Variants in DOHH observed in about 807,000 individuals in gnomAD.
DOHH encodes HEAT-like (PBS lyase) repeat containing 1.
A neutral mutation model predicts 19.9 loss-of-function variants in DOHH; 16 were observed. That is an observed-to-expected ratio of 0.80 (90% CI 0.54 to 1.22). DOHH has a LOEUF of 1.22. Among genes scored for constraint, DOHH ranks in the 50% most tolerant of loss-of-function variants. The pLI is 0.00. For synonymous variants in DOHH, 233 were observed against 217.0 expected (o/e 1.07, Z -0.65); for missense variants, 460 against 460.6 (o/e 1.00, Z 0.01).
chr19:3,495,834 G>T (rs561193376), intron 2 of DOHH, among the ~76,000 whole-genome samples: 4 of 151,590 alleles, frequency 2.6e-5, no homozygotes. Context: ...ACTTGAACCC[G>T]GGAGGCAGAG....
intron 1 of DOHH, among the ~76,000 whole-genome samples, 183 bp downstream of exon 1, chr19:3,500,378 G>A (rs2082941247): frequency 6.6e-6 from 1 of 152,200 alleles, no homozygotes; most frequent in Non-Finnish European, 1.5e-5. Flanking sequence ...AGGACGTGAG[G>A]TGGGCACTCT....
At position 3,491,519 on chromosome 19, in the gene DOHH, C is replaced by T. The variant is rs1489056567; in HGVS notation, c.882G>A (p.Leu294=). The T allele has an allele frequency of 1.3e-6, 2 of 1,535,204 alleles. No homozygotes were observed. The highest frequency in any genetic ancestry group is 1.7e-6 in the Non-Finnish European group (2 of 1,146,544). The change falls in exon 5 of 5, where the codon CTG becomes CTA. Residue 294 remains leucine, a synonymous_variant. Transcript: ENST00000427575. The surrounding 1 kb of genome is among the most constrained non-coding windows in gnomAD (Gnocchi z 5.6). The part of the protein sequence containing the change: ...TGRAFQYADG[L]EQLRGAPS ...AGGAGGGGGCCCCGCGCAGCTGCTC[C>T]AGGCCGTCCGCGTACTGGAAGGCCC...
chr19:3,495,965 G>A (rs886731092), intron 2 of DOHH, among the ~76,000 whole-genome samples: 7 of 152,160 alleles, frequency 4.6e-5, no homozygotes, highest in African/African-American at 1.7e-4. Context: ...ACTTCCTGAT[G>A]GGTGGAATTT....
In DOHH at chr19:3,491,604, T is replaced by C; in HGVS notation, c.797A>G (p.Glu266Gly). The change falls in exon 5 of 5, where the codon GAG (glutamate) becomes GGG (glycine). Residue 266 changes from glutamate to glycine, a missense_variant. Coordinates refer to ENST00000427575, the MANE Select transcript of DOHH (RefSeq NM_001145165.2). The surrounding 1 kb of genome is among the most constrained non-coding windows in gnomAD (Gnocchi z 5.6). ...CTCGCAGCTCTCACGCACCACGCGC[T>C]CTGGGTCGTCCGCGTGAGCCTGCAG... ...AALQAHADDP[E>G]RVVRESCEVA... The C allele has an allele frequency of 6.5e-7, 1 of 1,535,874 alleles. No individual in the cohort carries two copies. Among genetic ancestry groups the C allele is most frequent in the African/African-American group, 1.4e-5 (1 of 73,086 alleles).
chr19:3,496,886 C>T lies in DOHH; in HGVS notation c.-72G>A, dbSNP rs1488159288. 4 of 1,393,502 alleles carry T rather than the reference C, an allele frequency of 2.9e-6. No individual in the cohort carries two copies. The highest frequency in any genetic ancestry group is 1.8e-5 in the South Asian group (1 of 57,094). The allele number at this position is 1,393,502 out of a possible 1,614,324, so 86.3% of individuals were successfully genotyped here. ...ACCTGGGGACGCGGGGATGTAAGAACCTGTGGCAGAAAAATGAGAGCCCAG... is the reference window on the plus strand; with the variant it reads ...ACCTGGGGACGCGGGGATGTAAGAATCTGTGGCAGAAAAATGAGAGCCCAG... On this transcript the variant is annotated splice_region_variant and 5_prime_UTR_variant, in exon 2 of 5. Coordinates refer to ENST00000427575, the MANE Select transcript of DOHH (RefSeq NM_001145165.2). The surrounding 1 kb of genome is among the most constrained non-coding windows in gnomAD (Gnocchi z 4.8).
rs2082867233 is a variant in DOHH at position 3,491,262 on chromosome 19, T to C, written c.*230A>G. Reference sequence around the variant, plus strand: ...AGAGTCCCACCCCAAGCCTGGAAACTTCCACGCTACAGCCCTGCGCCAGGC... The same window carrying C: ...AGAGTCCCACCCCAAGCCTGGAAACCTCCACGCTACAGCCCTGCGCCAGGC... On this transcript the variant is annotated 3_prime_UTR_variant, in exon 5 of 5. Transcript: ENST00000427575. This position sits in a 1 kb window ranked among gnomAD's most constrained non-coding sequence, Gnocchi z 5.6. 3.5e-6 allele frequency: 2 copies of C among 574,118 alleles called. No individual in the cohort carries two copies. The highest frequency in any genetic ancestry group is 6.0e-6 in the Non-Finnish European group (2 of 330,926). The allele number at this position is 574,118 out of a possible 1,614,324, so 35.6% of individuals were successfully genotyped here. A position where few individuals can be genotyped will look rare whatever the true frequency, so the allele number is the denominator to read the frequency against.
chr19:3,497,760 G>A (rs1359153581), intron 1 of DOHH, among the ~76,000 whole-genome samples: 1 of 152,042 alleles, frequency 6.6e-6, no homozygotes, highest in African/African-American at 2.4e-5. Flanking sequence ...TAGTGGCTGT[G>A]TCTACAGGCA....
chr19:3,495,419 C>G (rs59800597), intron 2 of DOHH, among the ~76,000 whole-genome samples: 12,288 of 152,210 alleles, frequency 0.081, 1,731 homozygotes, highest in African/African-American at 0.28. Context: ...TGGGACCACA[C>G]GCGTGAGCCA....
At chr19:3,493,168 C>CG (rs58057836) in intron 3 of DOHH, among the ~76,000 whole-genome samples, 50,312 of 152,178 alleles carry the variant, frequency 0.33, 8,963 homozygotes, top group East Asian at 0.6. Context: ...AAAGGAATGA[C>CG]GGGCCGGCCG....
intron 1 of DOHH, among the ~76,000 whole-genome samples, chr19:3,499,967 C>T (rs1021855466): frequency 1.3e-5 from 2 of 152,182 alleles, no homozygotes; most frequent in African/African-American, 4.8e-5. Flanking sequence ...TGGGACTGTG[C>T]TTGGGAACTT....
chr19:3,495,302 G>T (rs2082900288), intron 2 of DOHH, among the ~76,000 whole-genome samples: 1 of 152,030 alleles, frequency 6.6e-6, no homozygotes, highest in African/African-American at 2.4e-5. Context: ...TTTGAGACAG[G>T]GTCTCACTCT....
In DOHH at chr19:3,494,064, C is replaced by G; in HGVS notation, c.315G>C (p.Glu105Asp). The change falls in exon 3 of 5, where the codon GAG becomes GAC. Residue 105 changes from glutamate (E) to aspartate (D), a missense_variant. Coordinates refer to ENST00000427575, the MANE Select transcript of DOHH (RefSeq NM_001145165.2). ...LGAIGDPEVL[E>D]ILKQYSSDPV... ...GGTCCGAGGAATACTGCTTCAGGATCTCCAGAACTTCCGGGTCCCCGATGG... is the reference window on the plus strand; with the variant it reads ...GGTCCGAGGAATACTGCTTCAGGATGTCCAGAACTTCCGGGTCCCCGATGG... The G allele has an allele frequency of 6.2e-7, 1 of 1,613,860 alleles. No individual in the cohort carries two copies. Among genetic ancestry groups the G allele is most frequent in the Non-Finnish European group, 8.5e-7 (1 of 1,179,838 alleles).
chr19:3,491,533 A>G lies in DOHH; in HGVS notation c.868T>C (p.Tyr290His), dbSNP rs368596021. The G allele has an allele frequency of 1.3e-5, 20 of 1,535,378 alleles. No homozygotes were observed. The highest frequency in any genetic ancestry group is 1.6e-5 in the Non-Finnish European group (18 of 1,146,652). ...YEHETGRAFQ[Y>H]ADGLEQLRGA... is the part of the protein sequence containing the mutation. ...CGCAGCTGCTCCAGGCCGTCCGCGT[A>G]CTGGAAGGCCCGCCCGGTCTCGTGC... is the stretch of plus-strand genomic sequence containing the variant. Residue 290 changes from tyrosine to histidine, a missense_variant, in exon 5 of 5, where the codon TAC becomes CAC. Transcript: ENST00000427575. The surrounding 1 kb of genome is among the most constrained non-coding windows in gnomAD (Gnocchi z 5.6).
At chr19:3,499,696 C>G (rs2082935047) in intron 1 of DOHH, among the ~76,000 whole-genome samples, 1 of 152,116 alleles carries the variant, frequency 6.6e-6, no homozygotes, top group Non-Finnish European at 1.5e-5. Context: ...CGCCTGAACT[C>G]GAGAGGCGGA....
At position 3,496,673 on chromosome 19, in the gene DOHH, C is replaced by T. The variant is rs771915905; in HGVS notation, c.142G>A (p.Asp48Asn). 9 of 1,613,934 alleles carry T rather than the reference C, an allele frequency of 5.6e-6. No individual in the cohort carries two copies. The highest frequency in any genetic ancestry group is 1.6e-4 in the Middle Eastern group (1 of 6,062). The change falls in exon 2 of 5, where the codon GAT (aspartate) becomes AAT (asparagine). Residue 48 changes from aspartate (D) to asparagine (N), a missense_variant. Transcript: ENST00000427575. This position sits in a 1 kb window ranked among gnomAD's most constrained non-coding sequence, Gnocchi z 4.8. Reference sequence around the variant, plus strand: ...TGCTTGAGCAGGGCGGAATCGTCATCGAAGGCCTGGCTGATCCATGCAATG... The same window carrying T: ...TGCTTGAGCAGGGCGGAATCGTCATTGAAGGCCTGGCTGATCCATGCAATG... Reference protein sequence around the residue: ...GAIAWISQAFDDDSALLKHEL... With the variant: ...GAIAWISQAFNDDSALLKHEL...
At chr19:3,499,456 C>G (rs111989753) in intron 1 of DOHH, among the ~76,000 whole-genome samples, 8 of 152,174 alleles carry the variant, frequency 5.3e-5, no homozygotes, top group Non-Finnish European at 1.0e-4. Context: ...GTGCAATGAC[C>G]TGCACGCAGT....
At chr19:3,494,977 CA>C (rs1230143086) in intron 2 of DOHH, among the ~76,000 whole-genome samples, 2 of 135,634 alleles carry the variant, frequency 1.5e-5, no homozygotes, top group East Asian at 2.9e-4. Context: ...TACAACAGTC[CA>C]TTTTTTTTTT....
chr19:3,491,440 G>A lies in DOHH; in HGVS notation c.*52C>T, dbSNP rs2122050302. Reference sequence around the variant, plus strand: ...CGGTTTAGACGCCAAAGCTCTGCGGGGGAGGAGCGGCCCTCAAGAGTCCTC... The same window carrying A: ...CGGTTTAGACGCCAAAGCTCTGCGGAGGAGGAGCGGCCCTCAAGAGTCCTC... On this transcript the variant is annotated 3_prime_UTR_variant, in exon 5 of 5. Coordinates refer to ENST00000427575, the MANE Select transcript of DOHH (RefSeq NM_001145165.2). The surrounding 1 kb of genome is among the most constrained non-coding windows in gnomAD (Gnocchi z 5.6). 1 of 1,490,882 alleles carries A rather than the reference G, an allele frequency of 6.7e-7. No homozygotes were observed. The highest frequency in any genetic ancestry group is 1.2e-5 in the South Asian group (1 of 80,812). The allele number at this position is 1,490,882 out of a possible 1,614,324, so 92.4% of individuals were successfully genotyped here.
rs899920602 is a variant in DOHH at position 3,491,653 on chromosome 19, C to T, written c.748G>A (p.Ala250Thr). ...AGCGCGGCCAGGCAGGCGGGCCGGG[C>T]AATGGCGCCCAGGGCCTCCGCGCAC... ...HECAEALGAI[A>T]RPACLAALQA... Residue 250 changes from alanine to threonine, a missense_variant, in exon 5 of 5, where the codon GCC becomes ACC. Transcript: ENST00000427575. The surrounding 1 kb of genome is among the most constrained non-coding windows in gnomAD (Gnocchi z 5.6). 8.5e-6 allele frequency: 13 copies of T among 1,534,744 alleles called. No homozygotes were observed. The highest frequency in any genetic ancestry group is 5.9e-5 in the Admixed American group (3 of 50,648).
Sources: gnomAD v4.1 joint callset for allele counts (sites outside exome capture counted in the v4.1 genomes callset) on GRCh38, gnomAD v4.1.1 for gene constraint, Gnocchi (gnomAD v3.1) non-coding constraint, MANE v1.5 for transcripts, NCBI Gene and HGNC (gene_info 2026-07-23, HGNC 2026-07-21) for gene names.